The following PARN variants were observed in gnomAD, a reference collection of about 807,000 sequenced individuals.
The protein encoded by PARN is poly(A)-specific ribonuclease PARN.
A neutral mutation model predicts 102.8 loss-of-function variants in PARN; 71 were observed. The ratio of observed to expected loss-of-function variants is 0.69; its 90% confidence interval spans 0.57 to 0.84. PARN has a LOEUF of 0.84. PARN is among the 40% of genes least tolerant of loss of function. The pLI, the probability that PARN is intolerant of heterozygous loss-of-function variation, is 0.00. For missense variants in PARN, 782 were observed against 760.9 expected (o/e 1.03, Z -0.33); for synonymous variants, 261 against 252.9 (o/e 1.03, Z -0.30).
intron 12 of PARN, among the ~76,000 whole-genome samples, chr16:14,598,130 G>A (rs770722767): frequency 5.3e-5 from 8 of 151,854 alleles, no homozygotes; most frequent in Non-Finnish European, 1.0e-4. Flanking sequence ...ACAACAGAGC[G>A]AGACTCCGGC....
At chr16:14,498,582 CAAG>C (rs1428414293) in intron 21 of PARN, among the ~76,000 whole-genome samples, 1 of 152,082 alleles carries the variant, frequency 6.6e-6, no homozygotes, top group East Asian at 1.9e-4. Flanking sequence ...CTGTCACCAC[CAAG>C]AAGGTTTGAA....
chr16:14,629,601 A>T lies in PARN; in HGVS notation c.93T>A (p.Phe31Leu). ...GAGCTTGCAAGGGAGGGATACCTGA[A>T]AACTCCCCATCGATGGCGAAGAAGT... ...EADFFAIDGE[F>L]SGISDGPSVS... The change falls in exon 2 of 24, where the codon TTT becomes TTA. Residue 31 changes from phenylalanine to leucine, a missense_variant. Phe to Leu is a conservative substitution (Grantham distance 22, BLOSUM62 0). Transcript: ENST00000437198. 6.2e-7 allele frequency: 1 copy of T among 1,610,916 alleles called. No individual in the cohort carries two copies. The highest frequency in any genetic ancestry group is 8.5e-7 in the Non-Finnish European group (1 of 1,177,058).
chr16:14,602,180 C>A (rs1289775088), intron 11 of PARN: 1 of 152,050 alleles, frequency 6.6e-6, no homozygotes, highest in African/African-American at 2.4e-5. Context: ...AATCCAACAG[C>A]CATGTCTCAA....
chr16:14,627,259 C>T lies in PARN; in HGVS notation c.245+10G>A. On this transcript the variant is annotated intron_variant, in intron 4 of 23. Coordinates refer to ENST00000437198, the MANE Select transcript of PARN (RefSeq NM_002582.4). ...AAACGGAATTCCCAACGTTTGTTAA[C>T]ACAACCTACTTTGAATCTGTGTAGT... 2 of 1,591,274 alleles carry T rather than the reference C, an allele frequency of 1.3e-6. No individual in the cohort carries two copies. The highest frequency in any genetic ancestry group is 1.7e-6 in the Non-Finnish European group (2 of 1,166,982).
At chr16:14,436,878 CG>C in intron 23 of PARN, 106 bp from the exon 24 acceptor site, 2 of 798,070 alleles carry the variant, frequency 2.5e-6, no homozygotes, top group South Asian at 3.1e-5. Flanking sequence ...CGGCTGCAGA[CG>C]GGGCCAGCGT....
intron 21 of PARN, among the ~76,000 whole-genome samples, chr16:14,537,225 A>G (rs937214623): frequency 6.6e-6 from 1 of 152,216 alleles, no homozygotes; most frequent in Admixed American, 6.5e-5. Context: ...ATGTGAATCA[A>G]AACAACAGTA....
chr16:14,472,884 T>C (rs1187120570), intron 22 of PARN, among the ~76,000 whole-genome samples: 2 of 152,200 alleles, frequency 1.3e-5, no homozygotes. Flanking sequence ...TATGCAACTT[T>C]TTTTCTCTAC....
chr16:14,560,027 C>T (rs147722207), intron 18 of PARN, among the ~76,000 whole-genome samples: 5 of 152,294 alleles, frequency 3.3e-5, no homozygotes, highest in African/African-American at 1.2e-4. Context: ...ACATCTCTGC[C>T]CTTCTGAAGT....
chr16:14,599,446 A>G (rs550761574), intron 12 of PARN, among the ~76,000 whole-genome samples: 2 of 152,324 alleles, frequency 1.3e-5, no homozygotes, highest in South Asian at 4.1e-4. Context: ...TTTTTAAAAC[A>G]TATCAAATAT....
chr16:14,551,167 G>A (rs1044499603), intron 21 of PARN, among the ~76,000 whole-genome samples: 6 of 151,722 alleles, frequency 4.0e-5, no homozygotes, highest in Non-Finnish European at 7.4e-5. Context: ...CCTGACCTCA[G>A]ATGATCCGCC....
At position 14,552,045 on chromosome 16, in the gene PARN, T is replaced by C. The variant is rs753338523; in HGVS notation, c.1456A>G (p.Ser486Gly). The C allele has an allele frequency of 6.2e-7, 1 of 1,612,560 alleles. No individual in the cohort carries two copies. The highest frequency in any genetic ancestry group is 2.2e-5 in the East Asian group (1 of 44,864). ...IDDTSAFVSL[S>G]QPEQVKIAVN... The stretch of plus-strand genomic sequence containing the variant: ...CCAATCTTTACTTGCTCGGGCTGGC[T>C]AAGGGAAACAAATGCTGATGTGTCA... The change falls in exon 21 of 24, where the codon AGC (serine) becomes GGC (glycine). Residue 486 changes from serine (S) to glycine (G), a missense_variant. Transcript: ENST00000437198.
At chr16:14,485,653 ATTCT>A (rs1049677473) in intron 21 of PARN, among the ~76,000 whole-genome samples, 4 of 151,176 alleles carry the variant, frequency 2.6e-5, no homozygotes, top group African/African-American at 9.7e-5. Context: ...TTCTATTTCA[ATTCT>A]TTTTTTTTTT....
At chr16:14,461,987 G>A (rs1270912125) in intron 22 of PARN, among the ~76,000 whole-genome samples, 1 of 152,220 alleles carries the variant, frequency 6.6e-6, no homozygotes, top group Non-Finnish European at 1.5e-5. Flanking sequence ...GTGGACTGAA[G>A]AGCTAGTAGT....
At chr16:14,437,588 G>A (rs1485199454) in intron 23 of PARN, among the ~76,000 whole-genome samples, 3 of 152,190 alleles carry the variant, frequency 2.0e-5, no homozygotes. Context: ...GGACTTCAAC[G>A]AATGTGAGGG....
intron 21 of PARN, among the ~76,000 whole-genome samples, chr16:14,535,840 C>A (rs1438229486): frequency 1.3e-5 from 2 of 152,148 alleles, no homozygotes; most frequent in Non-Finnish European, 2.9e-5. Context: ...AGAGTACATA[C>A]AGGCTTTCAT....
At chr16:14,615,661 G>C (rs1971847918) in intron 6 of PARN, among the ~76,000 whole-genome samples, 1 of 152,126 alleles carries the variant, frequency 6.6e-6, no homozygotes, top group Non-Finnish European at 1.5e-5. Flanking sequence ...AGCACTTTAA[G>C]AGGCAAAGGT....
chr16:14,457,752 C>T (rs192874224), intron 22 of PARN, among the ~76,000 whole-genome samples: 4 of 135,260 alleles, frequency 3.0e-5, no homozygotes, highest in Admixed American at 8.5e-5. Flanking sequence ...GAGCCAATAT[C>T]GCACCATTGT....
chr16:14,589,324 G>A (rs999901704), intron 13 of PARN, among the ~76,000 whole-genome samples: 8 of 152,120 alleles, frequency 5.3e-5, no homozygotes, highest in Non-Finnish European at 1.0e-4. Context: ...CACTTTGGGA[G>A]ACTGAGGTGG....
chr16:14,570,337 A>G (rs1458715356), intron 18 of PARN, among the ~76,000 whole-genome samples: 2 of 150,254 alleles, frequency 1.3e-5, no homozygotes, highest in East Asian at 3.9e-4. Context: ...AAAAAAAAAA[A>G]AAAAAAAAAA....
Sources: allele counts gnomAD v4.1 joint callset (sites outside exome capture counted in the v4.1 genomes callset), GRCh38; gene constraint gnomAD v4.1.1; transcripts MANE v1.5; gene names NCBI Gene and HGNC (gene_info 2026-07-23, HGNC 2026-07-21).